The following HEATR5B variants were observed in gnomAD, a reference collection of about 807,000 sequenced individuals.
HEATR5B encodes the protein HEAT repeat-containing protein 5B.
Under a neutral mutation model 224.1 loss-of-function variants are expected in HEATR5B, and 156 were observed. That is an observed-to-expected ratio of 0.70 (90% CI 0.61 to 0.80). The LOEUF (loss-of-function observed/expected upper bound fraction) is 0.80, where lower values mean the gene tolerates loss of function less well. HEATR5B is among the 30% of genes least tolerant of loss of function. The pLI is 0.00. For synonymous variants in HEATR5B, 1,027 were observed against 893.0 expected (o/e 1.15, Z -2.68); for missense variants, 2,323 against 2,535.5 (o/e 0.92, Z 1.80).
At chr2:37,011,794 C>A (rs545602459) in intron 27 of HEATR5B, among the ~76,000 whole-genome samples, 2 of 152,166 alleles carry the variant, frequency 1.3e-5, no homozygotes, top group East Asian at 3.8e-4. Context: ...AAAAGATATT[C>A]ATTTCTTCAC....
intron 27 of HEATR5B, 46 bp downstream of exon 27, chr2:37,013,795 G>T: frequency 6.9e-7 from 1 of 1,451,492 alleles, no homozygotes; most frequent in Non-Finnish European, 9.2e-7. Flanking sequence ...TTTTCTCATG[G>T]ATGAAGAAAT....
At chr2:37,023,918 A>G (rs1179183178) in intron 24 of HEATR5B, among the ~76,000 whole-genome samples, 2 of 152,210 alleles carry the variant, frequency 1.3e-5, no homozygotes, top group Non-Finnish European at 1.5e-5. Flanking sequence ...ACCACCAGTA[A>G]AAGCAAGGTT....
At chr2:37,019,725 C>T (rs1345920822) in intron 26 of HEATR5B, 84 bp downstream of exon 26, 1 of 1,000,994 alleles carries the variant, frequency 1.0e-6, no homozygotes, top group East Asian at 2.5e-5. Flanking sequence ...CCAAATTTTT[C>T]TCTATTCCTT....
At chr2:37,062,800 T>A (rs1199057098) in intron 10 of HEATR5B, among the ~76,000 whole-genome samples, 1 of 152,200 alleles carries the variant, frequency 6.6e-6, no homozygotes, top group African/African-American at 2.4e-5. Context: ...ATTTGTTTGT[T>A]TTTTAGAGAC....
chr2:36,998,701 A>C (rs1666886501), intron 33 of HEATR5B, among the ~76,000 whole-genome samples: 1 of 152,198 alleles, frequency 6.6e-6, no homozygotes, highest in Non-Finnish European at 1.5e-5. Flanking sequence ...TGGGAGTTAA[A>C]TGAGAGTTTT....
chr2:36,984,215 A>AAAAAAAAAATAT, intron 35 of HEATR5B, among the ~76,000 whole-genome samples: 14 of 77,640 alleles, frequency 1.8e-4, no homozygotes, highest in African/African-American at 8.2e-4. Flanking sequence ...AAAAAAAAAA[A>AAAAAAAAAATAT]ATATATATAT....
chr2:37,003,703 C>A lies in HEATR5B; in HGVS notation c.4906-17G>T, dbSNP rs1667237391. ...ACCTATCAGCTAATACAAATAAATA[C>A]AAATACAGTTAAGTAATTTCAATCT... On this transcript the variant is annotated splice_polypyrimidine_tract_variant and intron_variant, in intron 30 of 35. Coordinates refer to ENST00000233099, the MANE Select transcript of HEATR5B (RefSeq NM_019024.3). 1 of 1,542,852 alleles carries A rather than the reference C, an allele frequency of 6.5e-7. No individual in the cohort carries two copies. The highest frequency in any genetic ancestry group is 8.8e-7 in the Non-Finnish European group (1 of 1,138,116).
At chr2:37,013,682 GAGGTTTT>G (rs1420113936) in intron 27 of HEATR5B, among the ~76,000 whole-genome samples, 152 bp downstream of exon 27, 1 of 152,126 alleles carries the variant, frequency 6.6e-6, no homozygotes, top group Non-Finnish European at 1.5e-5. Flanking sequence ...CCTCAATATA[GAGGTTTT>G]CAGTACACTG....
intron 17 of HEATR5B, among the ~76,000 whole-genome samples, chr2:37,051,142 G>A (rs1670517648): frequency 6.6e-6 from 1 of 150,880 alleles, no homozygotes; most frequent in South Asian, 2.1e-4. Flanking sequence ...TAGATCATGA[G>A]GTCAGGAGAT....
intron 24 of HEATR5B, among the ~76,000 whole-genome samples, chr2:37,026,075 C>A (rs1668752673): frequency 6.6e-6 from 1 of 152,154 alleles, no homozygotes; most frequent in Non-Finnish European, 1.5e-5. Flanking sequence ...TCAAGGCAGA[C>A]CCAGTCTAAT....
At chr2:37,003,397 T>C (rs1047363366) in intron 31 of HEATR5B, 145 bp downstream of exon 31, 13 of 546,948 alleles carry the variant, frequency 2.4e-5, no homozygotes, top group Admixed American at 6.7e-5. Flanking sequence ...AATCACATCA[T>C]TGCGCTCCAG....
At chr2:37,078,345 T>A (rs1027087346) in intron 3 of HEATR5B, among the ~76,000 whole-genome samples, 1 of 152,206 alleles carries the variant, frequency 6.6e-6, no homozygotes, top group Non-Finnish European at 1.5e-5. Flanking sequence ...AAATTTAAAA[T>A]GACTGGCATC....
Position 37,036,604 on chromosome 2 carries a change from C to T in HEATR5B, c.3216+1251G>A, listed in dbSNP as rs147371019. Among the ~76,000 whole-genome samples the T allele has an allele frequency of 4.1e-4, 62 of 152,070 alleles. 1 individual carries two copies. Among genetic ancestry groups the T allele is most frequent in the African/African-American group, 1.4e-3 (59 of 41,488 alleles). ...TTGGCTCACTATAACCTCCACCTCC[C>T]GGGTTCAAGCAGTTCTCCTGCTTCA... On this transcript the variant is annotated intron_variant, in intron 21 of 35. Transcript: ENST00000233099.
chr2:37,063,661 G>GA (rs1006695793), intron 10 of HEATR5B, among the ~76,000 whole-genome samples: 2 of 151,222 alleles, frequency 1.3e-5, no homozygotes, highest in Admixed American at 6.6e-5. Flanking sequence ...TAATGTCCCA[G>GA]AAAAAAAATC....
At chr2:37,019,968 A>G (rs767778923) in intron 25 of HEATR5B, 91 bp from the exon 26 acceptor site, 33 of 824,634 alleles carry the variant, frequency 4.0e-5, no homozygotes, top group Non-Finnish European at 6.3e-5. Context: ...CAGTGGTGCG[A>G]TCTCGGCTCA....
At chr2:37,047,558 T>A (rs959171173) in intron 18 of HEATR5B, among the ~76,000 whole-genome samples, 7 of 152,224 alleles carry the variant, frequency 4.6e-5, no homozygotes, top group Non-Finnish European at 1.0e-4. Flanking sequence ...TTCAATTGAA[T>A]GGAAATAAAT....
At chr2:37,034,036 T>C (rs979077644) in intron 21 of HEATR5B, among the ~76,000 whole-genome samples, 4 of 152,130 alleles carry the variant, frequency 2.6e-5, no homozygotes, top group African/African-American at 9.7e-5. Flanking sequence ...ATATCTCCCC[T>C]TCACAATGCC....
At chr2:37,005,514 G>C in intron 30 of HEATR5B, 118 bp downstream of exon 30, 1 of 873,984 alleles carries the variant, frequency 1.1e-6, no homozygotes, top group Non-Finnish European at 1.8e-6. Flanking sequence ...GGGAGTCAGT[G>C]TATTCATATC....
Position 37,005,748 on chromosome 2 carries a change from G to C in HEATR5B, c.4789C>G (p.Gln1597Glu). ...RMHLILGVSI[Q>E]FLCSPRPEEP... Reference sequence around the variant, plus strand: ...TCAGGTCTAGGGGAACAAAGAAACTGTATACTCACACCTGAAATGCACAAA... The same window carrying C: ...TCAGGTCTAGGGGAACAAAGAAACTCTATACTCACACCTGAAATGCACAAA... Residue 1597 changes from glutamine (Q) to glutamate (E), a missense_variant, in exon 30 of 36, where the codon CAG (glutamine) becomes GAG (glutamate). Gln to Glu is a conservative substitution (Grantham distance 29). This residue lies in a region of HEATR5B where 844 missense variants were observed against 812.9 expected (regional missense o/e 1.04). Transcript: ENST00000233099. 2 of 1,590,318 alleles carry C rather than the reference G, an allele frequency of 1.3e-6. No individual in the cohort carries two copies. Among genetic ancestry groups the C allele is most frequent in the Non-Finnish European group, 1.7e-6 (2 of 1,172,552 alleles).
Sources: gnomAD v4.1 joint callset for allele counts (sites outside exome capture counted in the v4.1 genomes callset) on GRCh38, gnomAD v4.1.1 for gene constraint, gnomAD v4.1.1 regional missense constraint, MANE v1.5 for transcripts, NCBI Gene and HGNC (gene_info 2026-07-23, HGNC 2026-07-21) for gene names.